The following MRPL13 variants were observed in gnomAD, a reference collection of about 807,000 sequenced individuals.
MRPL13 encodes large ribosomal subunit protein uL13m.
A neutral mutation model predicts 29.0 loss-of-function variants in MRPL13; 33 were observed. That is an observed-to-expected ratio of 1.14 (90% CI 0.86 to 1.52). The LOEUF is 1.52. MRPL13 is among the 40% of genes most tolerant of loss of function. The probability of loss-of-function intolerance (pLI) is 0.00; values close to 1 mark genes in which losing one functional copy is unlikely to be tolerated. For missense variants in MRPL13, 227 were observed against 216.7 expected, an observed-to-expected ratio of 1.05 and a Z score of -0.30; for synonymous variants, 77 against 68.4, an observed-to-expected ratio of 1.13 and a Z score of -0.62.
chr8:120,397,846 T>G (rs1029796695), intron 6 of MRPL13, among the ~76,000 whole-genome samples: 1 of 151,464 alleles, frequency 6.6e-6, no homozygotes, highest in Non-Finnish European at 1.5e-5. Context: ...TAATGCAGCA[T>G]AGCTGCTGTG....
chr8:120,410,018 G>C (rs1005472583), intron 6 of MRPL13, among the ~76,000 whole-genome samples: 1 of 152,130 alleles, frequency 6.6e-6, no homozygotes, highest in East Asian at 1.9e-4. Flanking sequence ...AAGCAATTTT[G>C]TTAATCATCT....
chr8:120,402,374 A>T (rs943058537), intron 6 of MRPL13, among the ~76,000 whole-genome samples: 4 of 152,208 alleles, frequency 2.6e-5, no homozygotes, highest in Admixed American at 6.5e-5. Context: ...GATCTTCGAC[A>T]GACCTCACAA....
intron 3 of MRPL13, among the ~76,000 whole-genome samples, chr8:120,430,713 C>G (rs564858585): frequency 8.5e-5 from 13 of 152,252 alleles, no homozygotes; most frequent in African/African-American, 2.9e-4. Context: ...GCAGTGGGAA[C>G]TGGTTTCCAA....
chr8:120,424,098 A>G (rs977850703), intron 4 of MRPL13, among the ~76,000 whole-genome samples: 2 of 151,970 alleles, frequency 1.3e-5, no homozygotes, highest in Non-Finnish European at 2.9e-5. Flanking sequence ...ATAACTTAGT[A>G]AAGTGTAAAA....
intron 2 of MRPL13, among the ~76,000 whole-genome samples, 182 bp downstream of exon 2, chr8:120,443,003 G>T (rs535580845): frequency 1.3e-5 from 2 of 152,186 alleles, no homozygotes; most frequent in African/African-American, 4.8e-5. Context: ...TGATCCATAC[G>T]GTTTTCCAGT....
intron 2 of MRPL13, among the ~76,000 whole-genome samples, chr8:120,435,377 C>T (rs532923016): frequency 1.3e-5 from 2 of 152,182 alleles, no homozygotes; most frequent in South Asian, 4.1e-4. Context: ...CCACCCTCCA[C>T]CCTCAAGTAG....
chr8:120,423,310 T>G (rs1042323344), intron 4 of MRPL13, among the ~76,000 whole-genome samples: 13 of 151,856 alleles, frequency 8.6e-5, no homozygotes, highest in African/African-American at 3.1e-4. Flanking sequence ...TGTCTACTCT[T>G]ATTATAACCA....
At chr8:120,397,554 G>C (rs1763709287) in intron 6 of MRPL13, among the ~76,000 whole-genome samples, 1 of 152,068 alleles carries the variant, frequency 6.6e-6, no homozygotes, top group Non-Finnish European at 1.5e-5. Flanking sequence ...GGAGTCCACT[G>C]GACAAGGAGG....
rs566085229 is a variant in MRPL13, at chr8:120,431,744, C to T, written c.245+286G>A. ...CTGAAAACAGCAGTAAGATGAATTA[C>T]AGGAAGCAGAAATACAAAGTAAAAG... On this transcript the variant is annotated intron_variant, in intron 3 of 6. Coordinates refer to ENST00000306185, the MANE Select transcript of MRPL13 (RefSeq NM_014078.6). Among the ~76,000 whole-genome samples the T allele has an allele frequency of 3.9e-5, 6 of 152,154 alleles. No individual in the cohort carries two copies. In the South Asian group the frequency reaches 1.0e-3, roughly 26 times the overall value.
chr8:120,404,062 C>T (rs930876583), intron 6 of MRPL13, among the ~76,000 whole-genome samples: 3 of 152,184 alleles, frequency 2.0e-5, no homozygotes, highest in East Asian at 1.9e-4. Flanking sequence ...GACAGCTACA[C>T]GCGGCTCCAG....
intron 5 of MRPL13, chr8:120,414,804 A>G (rs751255957): frequency 6.6e-6 from 1 of 152,164 alleles, no homozygotes; most frequent in Non-Finnish European, 1.5e-5. Flanking sequence ...TCAAATCATG[A>G]TATCTTTATT....
At chr8:120,426,154 CA>C (rs1812929912) in intron 3 of MRPL13, among the ~76,000 whole-genome samples, 1 of 151,792 alleles carries the variant, frequency 6.6e-6, no homozygotes, top group African/African-American at 2.4e-5. Context: ...AAATTTAAAA[CA>C]AAAATAATAC....
intron 6 of MRPL13, among the ~76,000 whole-genome samples, chr8:120,397,394 A>T (rs1257688548): frequency 1.3e-5 from 2 of 152,178 alleles, no homozygotes; most frequent in African/African-American, 4.8e-5. Flanking sequence ...CTTCCATGGC[A>T]TCTCACAAGT....
intron 3 of MRPL13, among the ~76,000 whole-genome samples, chr8:120,431,666 A>C (rs1198289228): frequency 6.6e-6 from 1 of 152,190 alleles, no homozygotes; most frequent in Non-Finnish European, 1.5e-5. Context: ...TATCTAGAGA[A>C]GAGTGACCAT....
chr8:120,412,831 G>A (rs896568169), intron 6 of MRPL13, among the ~76,000 whole-genome samples: 1 of 152,138 alleles, frequency 6.6e-6, no homozygotes, highest in Non-Finnish European at 1.5e-5. Context: ...TGACCCAGCA[G>A]CTAGTCACTC....
chr8:120,411,615 C>T (rs1342170734), intron 6 of MRPL13, among the ~76,000 whole-genome samples: 1 of 152,136 alleles, frequency 6.6e-6, no homozygotes, highest in Non-Finnish European at 1.5e-5. Flanking sequence ...AAACGTATAC[C>T]TATTTTACTA....
chr8:120,428,010 A>G (rs1013069820), intron 3 of MRPL13, among the ~76,000 whole-genome samples: 1 of 151,946 alleles, frequency 6.6e-6, no homozygotes, highest in African/African-American at 2.4e-5. Flanking sequence ...TGAAACCAAA[A>G]AAGAGCCTGA....
chr8:120,425,994 G>A (rs1330885389), intron 3 of MRPL13, among the ~76,000 whole-genome samples: 1 of 152,024 alleles, frequency 6.6e-6, no homozygotes, highest in East Asian at 1.9e-4. Context: ...ATGCAGGTAT[G>A]GAATCTAGGT....
Position 120,414,117 on chromosome 8 carries a change from A to G in MRPL13, c.394-5T>C, listed in dbSNP as rs745664305. 1 of 1,527,658 alleles carries G rather than the reference A, an allele frequency of 6.5e-7. No homozygotes were observed. The highest frequency in any genetic ancestry group is 1.3e-5 in the South Asian group (1 of 75,046). The allele number at this position is 1,527,658 out of a possible 1,614,324, so 94.6% of individuals were successfully genotyped here. ...AAGAATATCTTCTGGAATATACTAC[A>G]TTAAAAAAAAATTTAGACTTAATTT... On this transcript the variant is annotated splice_region_variant and splice_polypyrimidine_tract_variant and intron_variant, in intron 5 of 6. Coordinates refer to ENST00000306185, the MANE Select transcript of MRPL13 (RefSeq NM_014078.6).
Sources: allele counts gnomAD v4.1 joint callset (sites outside exome capture counted in the v4.1 genomes callset), GRCh38; gene constraint gnomAD v4.1.1; transcripts MANE v1.5; gene names NCBI Gene and HGNC (gene_info 2026-07-23, HGNC 2026-07-21).